FAM210A: variants seen among roughly 807,000 people sequenced by gnomAD.
FAM210A encodes the protein mitochondrial inner membrane scaffold 1, also known as family with sequence similarity 210 member A.
FAM210A carries 13 observed loss-of-function variants against 25.3 expected under a neutral mutation model. That is an observed-to-expected ratio of 0.51 (90% confidence interval 0.33 to 0.82). The LOEUF (loss-of-function observed/expected upper bound fraction) is 0.82, where lower values mean the gene tolerates loss of function less well. Ranked by LOEUF, FAM210A falls within the 40% of genes least tolerant of loss-of-function variation. FAM210A has a pLI of 0.02. For missense variants in FAM210A, 319 were observed against 323.2 expected (o/e 0.99, Z 0.10); for synonymous variants, 125 against 118.7 (o/e 1.05, Z -0.35).
chr18:13,720,893 A>G lies in FAM210A; in HGVS notation c.-29+5436T>C, dbSNP rs373414661. Among the ~76,000 whole-genome samples the G allele has an allele frequency of 2.3e-4, 35 of 152,224 alleles. No homozygotes were observed. The South Asian group carries it at 7.1e-3, about 31-fold the overall frequency. ...CCTGATGGTTTGCTGGAAATGTGTGACATTTCTTGGTGTTCCTCTACTTCA... is the reference window on the plus strand; with the variant it reads ...CCTGATGGTTTGCTGGAAATGTGTGGCATTTCTTGGTGTTCCTCTACTTCA... On this transcript the variant is annotated intron_variant, in intron 1 of 3. Transcript: ENST00000651643.
Position 13,702,483 on chromosome 18 carries a change from C to A in FAM210A, c.-28-20378G>T, listed in dbSNP as rs75948343. Among the ~76,000 whole-genome samples the A allele has an allele frequency of 1.1e-4, 16 of 152,176 alleles. 1 individual carries two copies. The highest frequency in any genetic ancestry group is 8.5e-4 in the Admixed American group (13 of 15,282). ...CCCTCACACAAACAAAAAAACTGTA[C>A]GAGGTCTCCATCGTGTTTTATTTCC... On this transcript the variant is annotated intron_variant, in intron 1 of 3. Coordinates refer to ENST00000651643, the MANE Select transcript of FAM210A (RefSeq NM_152352.4).
intron 1 of FAM210A, among the ~76,000 whole-genome samples, chr18:13,686,193 G>C (rs918473743): frequency 1.3e-5 from 2 of 152,156 alleles, no homozygotes; most frequent in Non-Finnish European, 2.9e-5. Flanking sequence ...CTCTATGCCT[G>C]TGAGAAAAGA....
intron 1 of FAM210A, among the ~76,000 whole-genome samples, 194 bp downstream of exon 1, chr18:13,726,135 G>A (rs1353402499): frequency 6.6e-6 from 1 of 152,202 alleles, no homozygotes; most frequent in Non-Finnish European, 1.5e-5. Flanking sequence ...GACCTCTCTC[G>A]GCCGCCGGGG....
chr18:13,723,663 CCA>C (rs1338335841), intron 1 of FAM210A, among the ~76,000 whole-genome samples: 1 of 152,186 alleles, frequency 6.6e-6, no homozygotes, highest in African/African-American at 2.4e-5. Flanking sequence ...TAGATGTTAA[CCA>C]CGTCTTCAGA....
intron 1 of FAM210A, among the ~76,000 whole-genome samples, chr18:13,703,098 T>C (rs539880922): frequency 6.6e-6 from 1 of 152,322 alleles, no homozygotes; most frequent in South Asian, 2.1e-4. Flanking sequence ...ATCCCAGGAA[T>C]TGGAAGTGGA....
chr18:13,717,435 G>A (rs1046278706), intron 1 of FAM210A, among the ~76,000 whole-genome samples: 34 of 149,380 alleles, frequency 2.3e-4, no homozygotes, highest in Middle Eastern at 3.4e-3. Flanking sequence ...GACCCACTGT[G>A]CCCAGCCCAA....
At chr18:13,700,186 C>T (rs1392853932) in intron 1 of FAM210A, among the ~76,000 whole-genome samples, 1 of 152,196 alleles carries the variant, frequency 6.6e-6, no homozygotes, top group Non-Finnish European at 1.5e-5. Context: ...AGTTGTTACC[C>T]ATACTTCTCA....
At chr18:13,705,596 C>T (rs1169999023) in intron 1 of FAM210A, among the ~76,000 whole-genome samples, 9 of 152,064 alleles carry the variant, frequency 5.9e-5, no homozygotes, top group East Asian at 5.8e-4. Flanking sequence ...CTCAGCCTCC[C>T]GAGTGGCTGG....
chr18:13,690,385 T>C (rs2043633348), intron 1 of FAM210A, among the ~76,000 whole-genome samples: 1 of 152,248 alleles, frequency 6.6e-6, no homozygotes, highest in African/African-American at 2.4e-5. Flanking sequence ...CATCCCCATC[T>C]GACAGCTTTG....
intron 1 of FAM210A, among the ~76,000 whole-genome samples, chr18:13,682,918 T>C (rs991429975): frequency 1.3e-5 from 2 of 152,158 alleles, no homozygotes; most frequent in Non-Finnish European, 2.9e-5. Context: ...CATTTAAATA[T>C]GATATGGTAA....
At chr18:13,683,558 C>T (rs1030088968) in intron 1 of FAM210A, among the ~76,000 whole-genome samples, 2 of 106,930 alleles carry the variant, frequency 1.9e-5, no homozygotes, top group African/African-American at 7.1e-5. Context: ...AGCAAGACTG[C>T]AAGCCTTTTT....
chr18:13,704,980 G>A (rs1287886523), intron 1 of FAM210A, among the ~76,000 whole-genome samples: 1 of 152,092 alleles, frequency 6.6e-6, no homozygotes, highest in Non-Finnish European at 1.5e-5. Flanking sequence ...ATGAAAGGAT[G>A]GAAAGGACCC....
intron 2 of FAM210A, among the ~76,000 whole-genome samples, chr18:13,672,371 A>G (rs1194197208): frequency 6.6e-6 from 1 of 152,198 alleles, no homozygotes; most frequent in African/African-American, 2.4e-5. Flanking sequence ...ACATTTTAAG[A>G]CCTAAAATTT....
At chr18:13,675,748 GGCTTCTTT>G (rs2043492954) in intron 2 of FAM210A, among the ~76,000 whole-genome samples, 2 of 15,138 alleles carry the variant, frequency 1.3e-4, no homozygotes, top group Non-Finnish European at 1.6e-4. Context: ...CCTGAGCCCT[GGCTTCTTT>G]ATTTCCAGTT....
At chr18:13,673,123 A>C (rs1445891269) in intron 2 of FAM210A, among the ~76,000 whole-genome samples, 1 of 147,022 alleles carries the variant, frequency 6.8e-6, no homozygotes, top group Non-Finnish European at 1.5e-5. Flanking sequence ...GCCATGACTT[A>C]TTTCCAGTTT....
At chr18:13,710,470 T>A (rs1313423592) in intron 1 of FAM210A, 1 of 152,196 alleles carries the variant, frequency 6.6e-6, no homozygotes, top group East Asian at 1.9e-4. Flanking sequence ...AGGCATGAGC[T>A]ACCGTGCCCG....
intron 2 of FAM210A, among the ~76,000 whole-genome samples, chr18:13,680,180 C>T (rs141104679): frequency 1.6e-4 from 24 of 152,258 alleles, no homozygotes; most frequent in African/African-American, 4.1e-4. Flanking sequence ...ATGTAGAAAT[C>T]CATTCATTAC....
intron 2 of FAM210A, among the ~76,000 whole-genome samples, chr18:13,680,652 A>G (rs1244143383): frequency 6.6e-5 from 10 of 152,228 alleles, no homozygotes; most frequent in Admixed American, 6.5e-4. Context: ...TAATGTCTTG[A>G]TATCAAGCCA....
intron 3 of FAM210A, among the ~76,000 whole-genome samples, chr18:13,668,215 C>A (rs970710934): frequency 1.3e-5 from 2 of 152,236 alleles, no homozygotes; most frequent in Non-Finnish European, 2.9e-5. Flanking sequence ...GTGACCTCTA[C>A]AAAACTAAAT....
Sources: allele counts gnomAD v4.1 joint callset (sites outside exome capture counted in the v4.1 genomes callset), GRCh38; gene constraint gnomAD v4.1.1; transcripts MANE v1.5; gene names NCBI Gene and HGNC (gene_info 2026-07-23, HGNC 2026-07-21).